The following PAMR1 variants were observed in gnomAD, a reference collection of about 807,000 sequenced individuals.
PAMR1 encodes the protein inactive serine protease PAMR1.
In PAMR1, 88 loss-of-function variants were observed where a neutral mutation model predicts 81.8. The ratio of observed to expected loss-of-function variants is 1.08; its 90% CI spans 0.91 to 1.28. The LOEUF (loss-of-function observed/expected upper bound fraction) is 1.28, where lower values mean the gene tolerates loss of function less well. PAMR1 is among the 50% of genes most tolerant of loss of function. PAMR1 has a pLI of 0.00. For missense variants in PAMR1, 935 were observed against 919.7 expected, an observed-to-expected ratio of 1.02 and a Z score of -0.21; for synonymous variants, 336 against 345.3, an observed-to-expected ratio of 0.97 and a Z score of 0.30.
At chr11:35,433,450 T>C (rs916734536) in intron 10 of PAMR1, among the ~76,000 whole-genome samples, 1 of 152,236 alleles carries the variant, frequency 6.6e-6, no homozygotes, top group Non-Finnish European at 1.5e-5. Context: ...ATTTTCCCAG[T>C]CCTTGCTGGT....
rs141320338 is a variant in PAMR1, at chr11:35,481,057, A to G, written c.380-6313T>C. 0.016 allele frequency among the ~76,000 whole-genome samples: 2,509 copies of G among 152,276 alleles called. 162 individuals carry two copies. In the East Asian group the frequency reaches 0.18, roughly 11 times the overall value. Reference sequence around the variant, plus strand: ...TCTCATTCCTTTTTATGGCTACATAATATTCCATGGTATATTATATACCAC... The same window carrying G: ...TCTCATTCCTTTTTATGGCTACATAGTATTCCATGGTATATTATATACCAC... On this transcript the variant is annotated intron_variant, in intron 3 of 10. Transcript: ENST00000619888.
At chr11:35,436,656 TCACACACACACACA>T (rs34951313) in intron 8 of PAMR1, among the ~76,000 whole-genome samples, 4 of 144,944 alleles carry the variant, frequency 2.8e-5, no homozygotes, top group South Asian at 4.5e-4. Flanking sequence ...TCTCTCTCTG[TCACACACACACACA>T]CACACACACA....
At chr11:35,470,511 A>C in intron 5 of PAMR1, 90 bp downstream of exon 5, 1 of 975,938 alleles carries the variant, frequency 1.0e-6, no homozygotes, top group Non-Finnish European at 1.6e-6. Context: ...GGTTTTAATA[A>C]GGATGAGAGG....
chr11:35,473,465 C>T (rs182589412), intron 4 of PAMR1, among the ~76,000 whole-genome samples: 48 of 152,282 alleles, frequency 3.2e-4, no homozygotes, highest in Admixed American at 6.5e-4. Flanking sequence ...TTAACACCTA[C>T]CTTTATCATC....
At position 35,434,522 on chromosome 11, in the gene PAMR1, TGGATG is replaced by T; in HGVS notation, c.1611_1615del (p.Ile538GlufsTer14). 6.2e-7 allele frequency: 1 copy of T among 1,613,882 alleles called. No individual in the cohort carries two copies. On this transcript the variant is annotated frameshift_variant, in exon 10 of 11. Transcript: ENST00000619888. LOFTEE classifies it high-confidence loss of function. ...CAAGCCCTCTCTTACCTGTAGGCTC[TGGATG>T]GTCTTCTCATCCCGGTCATCATCCC... is the stretch of plus-strand genomic sequence containing the variant.
intron 6 of PAMR1, chr11:35,453,291 A>G (rs1856458357): frequency 6.6e-6 from 1 of 152,238 alleles, no homozygotes; most frequent in African/African-American, 2.4e-5. Flanking sequence ...TGTTGGGCCT[A>G]TTCAAACATA....
Position 35,494,378 on chromosome 11 carries a change from G to A in PAMR1, c.74-106C>T. 3.1e-6 allele frequency: 3 copies of A among 957,118 alleles called. No individual in the cohort carries two copies. In the South Asian group the frequency reaches 4.5e-5, roughly 14 times the overall value. The allele number at this position is 957,118 out of a possible 1,614,324, so 59.3% of individuals were successfully genotyped here. A position where few individuals can be genotyped will look rare whatever the true frequency, so the allele number is the denominator to read the frequency against. On this transcript the variant is annotated intron_variant, in intron 1 of 10. Transcript: ENST00000619888. ...AGACGGAGTCTTGCTCTGTCGCCCA[G>A]GCTGGAGTGCAGTGGCGCGATCTCG...
At chr11:35,497,068 G>A (rs999853186) in intron 1 of PAMR1, among the ~76,000 whole-genome samples, 1 of 152,194 alleles carries the variant, frequency 6.6e-6, no homozygotes, top group Non-Finnish European at 1.5e-5. Context: ...TTAGGAGGCT[G>A]AGGCACGAGA....
chr11:35,478,001 C>T lies in PAMR1; in HGVS notation c.380-3257G>A, dbSNP rs1381058095. ...AAAAGAAGCCTTCCTGCACAGCCCC[C>T]GTCCCTCAGGGACTGGCAGCTTCCC... On this transcript the variant is annotated intron_variant, in intron 3 of 10. Coordinates refer to ENST00000619888, the MANE Select transcript of PAMR1 (RefSeq NM_001001991.3). Among the ~76,000 whole-genome samples, 6 of 152,192 alleles carry T rather than the reference C, an allele frequency of 3.9e-5. No homozygotes were observed. The South Asian group carries it at 1.0e-3, about 26-fold the overall frequency.
chr11:35,451,875 A>G (rs1856425052), intron 6 of PAMR1: 1 of 706,294 alleles, frequency 1.4e-6, no homozygotes, highest in African/African-American at 1.8e-5. Context: ...CAGCATCTGA[A>G]GCAAGCCCTC....
chr11:35,522,432 A>G (rs983215107), intron 1 of PAMR1, among the ~76,000 whole-genome samples: 1 of 152,188 alleles, frequency 6.6e-6, no homozygotes, highest in East Asian at 1.9e-4. Context: ...AGTACCTCAT[A>G]TAAGTGGCAT....
intron 3 of PAMR1, among the ~76,000 whole-genome samples, chr11:35,487,776 G>A (rs1342418584): frequency 3.3e-5 from 5 of 152,208 alleles, no homozygotes; most frequent in African/African-American, 7.2e-5. Flanking sequence ...AGAGTAAGGG[G>A]TCTGGAATCG....
chr11:35,522,945 A>G (rs610966), intron 1 of PAMR1, among the ~76,000 whole-genome samples: 98,109 of 152,060 alleles, frequency 0.65, 31,957 homozygotes, highest in Non-Finnish European at 0.7. Flanking sequence ...TAATCTCTTC[A>G]TCCTCTGAAT....
At chr11:35,466,257 C>T (rs1856754356) in intron 6 of PAMR1, among the ~76,000 whole-genome samples, 1 of 152,146 alleles carries the variant, frequency 6.6e-6, no homozygotes, top group Non-Finnish European at 1.5e-5. Flanking sequence ...CACAACATGG[C>T]AGGCTCAAAT....
intron 1 of PAMR1, among the ~76,000 whole-genome samples, chr11:35,515,571 T>C (rs925565900): frequency 2.0e-5 from 3 of 152,206 alleles, no homozygotes; most frequent in Non-Finnish European, 2.9e-5. Flanking sequence ...AACAGGTGGA[T>C]GGCCATGAGC....
upstream of PAMR1, chr11:35,529,953 G>A (rs1205499149): frequency 1.3e-5 from 2 of 152,238 alleles, no homozygotes; most frequent in Non-Finnish European, 2.9e-5. Context: ...AGGGAGGCTG[G>A]TTGCATGTGA....
At chr11:35,452,046 CA>C in intron 6 of PAMR1, 1 of 464,618 alleles carries the variant, frequency 2.2e-6, no homozygotes, top group Non-Finnish European at 3.8e-6. Flanking sequence ...AAGAGAAATA[CA>C]GACAATAGAA....
chr11:35,475,080 G>A (rs1460369409), intron 3 of PAMR1, among the ~76,000 whole-genome samples: 1 of 152,162 alleles, frequency 6.6e-6, no homozygotes, highest in African/African-American at 2.4e-5. Flanking sequence ...GTGTTTGAAT[G>A]TAAAGTTCGA....
At chr11:35,453,576 A>G (rs958342883) in intron 6 of PAMR1, 1 of 152,218 alleles carries the variant, frequency 6.6e-6, no homozygotes, top group African/African-American at 2.4e-5. Context: ...CAGTTTAGAC[A>G]TCTACCTGGT....
Sources: allele counts gnomAD v4.1 joint callset (sites outside exome capture counted in the v4.1 genomes callset), GRCh38; gene constraint gnomAD v4.1.1; transcripts MANE v1.5; gene names NCBI Gene and HGNC (gene_info 2026-07-23, HGNC 2026-07-21).